ATP8A2: variants seen among roughly 807,000 people sequenced by gnomAD.
ATP8A2 encodes phospholipid-transporting ATPase IB.
ATP8A2 carries 100 observed loss-of-function variants against 165.6 expected under a neutral mutation model. The observed-to-expected ratio is 0.60, with a 90% CI of 0.51 to 0.71. The LOEUF (loss-of-function observed/expected upper bound fraction) is 0.71. ATP8A2 is among the 30% of genes least tolerant of loss of function. The probability of loss-of-function intolerance (pLI) is 0.00; values close to 1 mark genes in which losing one functional copy is unlikely to be tolerated. For synonymous variants in ATP8A2, 543 were observed against 548.8 expected (o/e 0.99, Z 0.15); for missense variants, 1,227 against 1,479.5 (o/e 0.83, Z 2.80).
Position 25,493,448 on chromosome 13 carries a change from A to AT in ATP8A2, c.221+24333dup, listed in dbSNP as rs559748640. On this transcript the variant is annotated intron_variant, in intron 2 of 36. Transcript: ENST00000381655. Reference sequence around the variant, plus strand: ...TGTTGGTGTAACTTTTTGGTAGGGCATTTTTTGTTTTATGCTTTTTATTTT... The same window carrying AT: ...TGTTGGTGTAACTTTTTGGTAGGGCATTTTTTTGTTTTATGCTTTTTATTTT... Among the ~76,000 whole-genome samples the AT allele has an allele frequency of 7.0e-4, 106 of 152,154 alleles. 1 individual carries two copies. The highest frequency in any genetic ancestry group is 2.5e-3 in the African/African-American group (102 of 41,520).
chr13:25,425,558 C>G (rs1416514671), intron 1 of ATP8A2, among the ~76,000 whole-genome samples: 3 of 115,266 alleles, frequency 2.6e-5, no homozygotes, highest in African/African-American at 8.2e-5. Context: ...AGTATGCAGC[C>G]TTTTCAGATT....
chr13:25,476,249 T>C (rs2035991348), intron 2 of ATP8A2, among the ~76,000 whole-genome samples: 1 of 152,134 alleles, frequency 6.6e-6, no homozygotes, highest in Non-Finnish European at 1.5e-5. Context: ...GCTTACAATT[T>C]AGCAAAGAAG....
intron 21 of ATP8A2, 109 bp from the exon 22 acceptor site, chr13:25,579,699 C>G (rs2039715704): frequency 8.0e-7 from 1 of 1,257,800 alleles, no homozygotes; most frequent in East Asian, 2.3e-5. Flanking sequence ...ACCTAAAGCA[C>G]AGAGTCTCTT....
chr13:25,701,072 T>C (rs550201859), intron 25 of ATP8A2, among the ~76,000 whole-genome samples: 22 of 152,330 alleles, frequency 1.4e-4, no homozygotes, highest in African/African-American at 5.3e-4. Flanking sequence ...ATAAGGGTTC[T>C]TTAGCTACTC....
At chr13:25,458,535 G>T (rs118128371) in intron 1 of ATP8A2, among the ~76,000 whole-genome samples, 1 of 152,210 alleles carries the variant, frequency 6.6e-6, no homozygotes, top group Non-Finnish European at 1.5e-5. Context: ...GTGTTAGGGC[G>T]CACCTGCAAT....
intron 30 of ATP8A2, among the ~76,000 whole-genome samples, chr13:25,853,217 C>T (rs1265880415): frequency 6.6e-6 from 1 of 151,426 alleles, no homozygotes; most frequent in East Asian, 1.9e-4. Context: ...GGTGAAACCC[C>T]GCCTCTTCTA....
chr13:25,423,329 A>G (rs2034352097), intron 1 of ATP8A2, among the ~76,000 whole-genome samples: 1 of 152,252 alleles, frequency 6.6e-6, no homozygotes, highest in Non-Finnish European at 1.5e-5. Flanking sequence ...TTAAAGCAGT[A>G]TAATATATCT....
At chr13:25,657,327 A>G (rs546891775) in intron 24 of ATP8A2, among the ~76,000 whole-genome samples, 6 of 152,156 alleles carry the variant, frequency 3.9e-5, no homozygotes, top group Non-Finnish European at 8.8e-5. Flanking sequence ...TACATCAGTG[A>G]TCTCTTCCCT....
chr13:25,838,664 T>A (rs576589674), intron 29 of ATP8A2, among the ~76,000 whole-genome samples: 145 of 152,296 alleles, frequency 9.5e-4, no homozygotes, highest in African/African-American at 3.4e-3. Flanking sequence ...CACTATTTTC[T>A]GTTGTCTTAC....
intron 24 of ATP8A2, among the ~76,000 whole-genome samples, chr13:25,634,265 T>C (rs1230456012): frequency 2.0e-5 from 3 of 152,152 alleles, no homozygotes; most frequent in Non-Finnish European, 4.4e-5. Context: ...GGACCGAAGC[T>C]ACAATTGGGA....
chr13:25,462,575 A>G (rs866820691), intron 1 of ATP8A2, among the ~76,000 whole-genome samples: 10 of 152,242 alleles, frequency 6.6e-5, no homozygotes, highest in South Asian at 4.1e-4. Context: ...AGTGTCCACA[A>G]GTTTTTATTG....
intron 1 of ATP8A2, among the ~76,000 whole-genome samples, chr13:25,442,056 C>T (rs974008465): frequency 1.5e-4 from 23 of 152,194 alleles, no homozygotes; most frequent in African/African-American, 3.9e-4. Context: ...TGTGGAAGCA[C>T]GTGTCAGAAT....
intron 1 of ATP8A2, among the ~76,000 whole-genome samples, chr13:25,438,791 T>C: frequency 6.6e-6 from 1 of 152,248 alleles, no homozygotes; most frequent in South Asian, 2.1e-4. Context: ...GTTACTTGTT[T>C]TATTTCATTT....
intron 33 of ATP8A2, among the ~76,000 whole-genome samples, chr13:25,917,864 ATTAG>A (rs1954315799): frequency 6.6e-6 from 1 of 152,238 alleles, no homozygotes; most frequent in East Asian, 1.9e-4. Context: ...ATTATTTTAA[ATTAG>A]TTAATAGATG....
chr13:25,412,024 G>A (rs1167971755), intron 1 of ATP8A2, among the ~76,000 whole-genome samples: 1 of 152,106 alleles, frequency 6.6e-6, no homozygotes, highest in African/African-American at 2.4e-5. Flanking sequence ...TTTCTTTTTA[G>A]CTGTAAAGAT....
intron 2 of ATP8A2, among the ~76,000 whole-genome samples, chr13:25,503,238 G>A (rs1416950539): frequency 6.6e-6 from 1 of 152,190 alleles, no homozygotes; most frequent in Non-Finnish European, 1.5e-5. Flanking sequence ...GTGCAGCATC[G>A]AGACCGAGTC....
chr13:25,670,263 A>T (rs2042237337), intron 24 of ATP8A2, among the ~76,000 whole-genome samples: 1 of 152,218 alleles, frequency 6.6e-6, no homozygotes, highest in African/African-American at 2.4e-5. Flanking sequence ...CTGAAGGAAG[A>T]TAGTCCCACT....
chr13:25,900,326 A>T (rs1166146499), intron 33 of ATP8A2, among the ~76,000 whole-genome samples: 1 of 152,206 alleles, frequency 6.6e-6, no homozygotes, highest in Non-Finnish European at 1.5e-5. Flanking sequence ...TGGAGTTTTC[A>T]GCCCTCTGAC....
intron 35 of ATP8A2, among the ~76,000 whole-genome samples, chr13:25,973,931 T>C (rs1005594695): frequency 6.6e-6 from 1 of 152,224 alleles, no homozygotes; most frequent in Non-Finnish European, 1.5e-5. Context: ...AAATACCTAT[T>C]ATTGGCTTTT....
Sources: allele counts gnomAD v4.1 joint callset (sites outside exome capture counted in the v4.1 genomes callset), GRCh38; gene constraint gnomAD v4.1.1; transcripts MANE v1.5; gene names NCBI Gene and HGNC (gene_info 2026-07-23, HGNC 2026-07-21).